Variants in MDM4 observed in about 807,000 individuals in gnomAD.
The protein encoded by MDM4 is MDM4 regulator of p53, also known as protein Mdm4.
MDM4 carries 2 observed loss-of-function variants against 60.2 expected under a neutral mutation model. The ratio of observed to expected loss-of-function variants is 0.03; its 90% CI spans 0.01 to 0.10. The LOEUF (loss-of-function observed/expected upper bound fraction) is 0.10. Among genes scored for constraint, MDM4 ranks in the 10% least tolerant of loss-of-function variants. The pLI is 1.00. For synonymous variants in MDM4, 202 were observed against 198.1 expected (o/e 1.02, Z -0.17); for missense variants, 447 against 577.5 (o/e 0.77, Z 2.32).
chr1:204,549,863 A>G lies in MDM4; in HGVS notation c.*181A>G, dbSNP rs1011384540. 8 of 491,716 alleles carry G rather than the reference A, an allele frequency of 1.6e-5. No homozygotes were observed. Among genetic ancestry groups the G allele is most frequent in the African/African-American group, 1.4e-4 (7 of 50,654 alleles). 30.5% of individuals were successfully genotyped at this position (491,716 alleles called of 1,614,324 possible). A position where few individuals can be genotyped will look rare whatever the true frequency, so the allele number is the denominator to read the frequency against. On this transcript the variant is annotated 3_prime_UTR_variant, in exon 11 of 11. Coordinates refer to ENST00000367182, the MANE Select transcript of MDM4 (RefSeq NM_002393.5). ...AGAACAGAAGTAATCTGATTAGTCA[A>G]ATTATTAAGTGCCATGGATTACTTT...
rs757657818 is a variant in MDM4, at chr1:204,546,815, A to G, written c.841A>G (p.Asn281Asp). ...SDKKVIEVGK[N>D]DDLEDSKSLS... is the part of the protein sequence containing the mutation. ...TTCACAGGTGATTGAAGTGGGAAAA[A>G]ATGATGACCTGGAGGACTCTAAGTC... The change falls in exon 10 of 11, where the codon AAT (asparagine) becomes GAT (aspartate). Residue 281 changes from asparagine (N) to aspartate (D), a missense_variant. This residue lies in a region of MDM4 where 184 missense variants were observed against 179.3 expected (regional missense o/e 1.03). Coordinates refer to ENST00000367182, the MANE Select transcript of MDM4 (RefSeq NM_002393.5). 3.1e-6 allele frequency: 5 copies of G among 1,612,886 alleles called. No individual in the cohort carries two copies. Among genetic ancestry groups the G allele is most frequent in the Non-Finnish European group, 4.2e-6 (5 of 1,179,074 alleles).
At chr1:204,518,577 A>G (rs982179340) in intron 1 of MDM4, among the ~76,000 whole-genome samples, 2 of 152,138 alleles carry the variant, frequency 1.3e-5, no homozygotes, top group African/African-American at 4.8e-5. Flanking sequence ...CTTCATAATC[A>G]AGTAGTATAT....
intron 3 of MDM4, 37 bp downstream of exon 3, chr1:204,526,471 T>TG (rs1572461245): frequency 4.6e-6 from 7 of 1,526,530 alleles, no homozygotes; most frequent in Non-Finnish European, 6.2e-6. Flanking sequence ...TTTTTTGTTT[T>TG]TTTTTTTTTT....
At chr1:204,540,284 C>A (rs1404143862) in intron 7 of MDM4, among the ~76,000 whole-genome samples, 29 of 145,172 alleles carry the variant, frequency 2.0e-4, no homozygotes, top group East Asian at 2.1e-4. Flanking sequence ...GACTCTGTCT[C>A]AAAAAAAAAA....
intron 5 of MDM4, among the ~76,000 whole-genome samples, chr1:204,534,772 G>A (rs561869034): frequency 1.8e-4 from 27 of 152,270 alleles, no homozygotes; most frequent in Admixed American, 1.3e-3. Context: ...GATGACAGGC[G>A]TGAGCCACCA....
chr1:204,543,607 C>T (rs971670611), intron 8 of MDM4, among the ~76,000 whole-genome samples: 8 of 152,178 alleles, frequency 5.3e-5, no homozygotes, highest in African/African-American at 1.9e-4. Context: ...AATGTAATTT[C>T]TTCAAAGAGG....
chr1:204,547,814 C>T (rs1662814925), intron 10 of MDM4, among the ~76,000 whole-genome samples: 1 of 152,248 alleles, frequency 6.6e-6, no homozygotes, highest in Non-Finnish European at 1.5e-5. Flanking sequence ...ACTTCCGCCT[C>T]CCGGCTTCGA....
rs1194959842 is a variant in MDM4 at position 204,552,317 on chromosome 1, C to T, written c.*2635C>T. On this transcript the variant is annotated 3_prime_UTR_variant, in exon 11 of 11. Coordinates refer to ENST00000367182, the MANE Select transcript of MDM4 (RefSeq NM_002393.5). Reference sequence around the variant, plus strand: ...CGCAAAAAGAAAAATCTCATAATGTCGTTGTTGGTTTTTTTTTTTTTTTTT... The same window carrying T: ...CGCAAAAAGAAAAATCTCATAATGTTGTTGTTGGTTTTTTTTTTTTTTTTT... The T allele has an allele frequency of 1.5e-5, 2 of 135,100 alleles. No individual in the cohort carries two copies. Among genetic ancestry groups the T allele is most frequent in the Admixed American group, 8.2e-5 (1 of 12,184 alleles). 8.4% of individuals were successfully genotyped at this position (135,100 alleles called of 1,614,324 possible).
chr1:204,527,906 C>G (rs1000268341), intron 3 of MDM4, among the ~76,000 whole-genome samples: 3 of 151,350 alleles, frequency 2.0e-5, no homozygotes, highest in Non-Finnish European at 4.4e-5. Flanking sequence ...CCTATCAACA[C>G]TGCCACACTC....
At chr1:204,540,009 C>T (rs911598690) in intron 7 of MDM4, among the ~76,000 whole-genome samples, 25 of 151,512 alleles carry the variant, frequency 1.7e-4, no homozygotes, top group African/African-American at 5.6e-4. Flanking sequence ...TAGCCGGGCG[C>T]GGTGGCTCAC....
chr1:204,522,500 C>T (rs149094198), intron 1 of MDM4, among the ~76,000 whole-genome samples: 4,532 of 151,164 alleles, frequency 0.03, 104 homozygotes, highest in Middle Eastern at 0.066. Context: ...CAAGTTCAGG[C>T]GATTCTCCTG....
intron 1 of MDM4, chr1:204,525,194 A>G (rs1305491347): frequency 4.1e-6 from 1 of 246,708 alleles, no homozygotes; most frequent in African/African-American, 2.3e-5. Flanking sequence ...ACTTTCAGCT[A>G]AAACAGTTTA....
chr1:204,519,088 T>G (rs1659287154), intron 1 of MDM4, among the ~76,000 whole-genome samples: 1 of 152,160 alleles, frequency 6.6e-6, no homozygotes, highest in Non-Finnish European at 1.5e-5. Context: ...AGGCCCTGTT[T>G]GAGAAACTAA....
At position 204,549,765 on chromosome 1, in the gene MDM4, C is replaced by A; in HGVS notation, c.*83C>A. 1 of 920,596 alleles carries A rather than the reference C, an allele frequency of 1.1e-6. No homozygotes were observed. Among genetic ancestry groups the A allele is most frequent in the Non-Finnish European group, 1.6e-6 (1 of 629,470 alleles). The allele number at this position is 920,596 out of a possible 1,614,324, so 57.0% of individuals were successfully genotyped here. A position where few individuals can be genotyped will look rare whatever the true frequency, so the allele number is the denominator to read the frequency against. ...TCAATCCTTTATTTAATTTTATTTC[C>A]AACCTGTCAGAGAATGTTCTTAGGC... On this transcript the variant is annotated 3_prime_UTR_variant, in exon 11 of 11. Transcript: ENST00000367182.
intron 3 of MDM4, 125 bp from the exon 4 acceptor site, chr1:204,530,559 C>A: frequency 7.8e-7 from 1 of 1,281,162 alleles, no homozygotes; most frequent in Non-Finnish European, 1.1e-6. Flanking sequence ...CTTACACAAA[C>A]TTTGACAGTC....
chr1:204,533,072 C>G (rs1205448487), intron 5 of MDM4, among the ~76,000 whole-genome samples: 1 of 152,176 alleles, frequency 6.6e-6, no homozygotes, highest in East Asian at 1.9e-4. Context: ...AACCTTTTAC[C>G]TAATGGCTTT....
chr1:204,531,756 C>T (rs1476940928), intron 4 of MDM4, among the ~76,000 whole-genome samples: 2 of 151,734 alleles, frequency 1.3e-5, no homozygotes, highest in Non-Finnish European at 2.9e-5. Flanking sequence ...TGCCTGAGTC[C>T]GGGAGGCAGA....
In MDM4 at chr1:204,541,279, C is replaced by A. The variant is rs140195810; in HGVS notation, c.512-1505C>A. ...TTCGAGACCAGCTTGGGTAACATAG[C>A]GAGACCTCGTCTCTACAAAAAATCA... On this transcript the variant is annotated intron_variant, in intron 7 of 10. Transcript: ENST00000367182. Among the ~76,000 whole-genome samples, 225 of 152,118 alleles carry A rather than the reference C, an allele frequency of 1.5e-3. 3 individuals are homozygous for A. The highest frequency in any genetic ancestry group is 4.9e-3 in the African/African-American group (205 of 41,476).
At chr1:204,529,817 G>T (rs1028009380) in intron 3 of MDM4, 1 of 281,358 alleles carries the variant, frequency 3.6e-6, no homozygotes, top group South Asian at 8.0e-5. Context: ...GAGTTTACAC[G>T]ATGAGCTTTC....
Sources: gnomAD v4.1 joint callset for allele counts (sites outside exome capture counted in the v4.1 genomes callset) on GRCh38, gnomAD v4.1.1 for gene constraint, gnomAD v4.1.1 regional missense constraint, MANE v1.5 for transcripts, NCBI Gene and HGNC (gene_info 2026-07-23, HGNC 2026-07-21) for gene names.